KCTD8: variants seen among roughly 807,000 people sequenced by gnomAD.
The protein encoded by KCTD8 is potassium channel tetramerization domain containing 8.
KCTD8 carries 27 observed loss-of-function variants against 31.5 expected under a neutral mutation model. The observed-to-expected ratio is 0.86, with a 90% CI of 0.63 to 1.18. The LOEUF (loss-of-function observed/expected upper bound fraction) is 1.18. Ranked by LOEUF, KCTD8 falls within the 50% of genes most tolerant of loss-of-function variation. KCTD8 has a pLI of 0.00. For synonymous variants in KCTD8, 290 were observed against 280.0 expected, an observed-to-expected ratio of 1.04 and a Z score of -0.36; for missense variants, 658 against 647.7, an observed-to-expected ratio of 1.02 and a Z score of -0.17.
intron 1 of KCTD8, among the ~76,000 whole-genome samples, chr4:44,365,957 T>A (rs1278937343): frequency 6.6e-6 from 1 of 150,758 alleles, no homozygotes; most frequent in Non-Finnish European, 1.5e-5. Context: ...CTGCTATACA[T>A]CACTTTGACA....
At chr4:44,313,223 C>A (rs1330835546) in intron 1 of KCTD8, among the ~76,000 whole-genome samples, 1 of 152,118 alleles carries the variant, frequency 6.6e-6, no homozygotes, top group Non-Finnish European at 1.5e-5. Flanking sequence ...GTGTTTTGCC[C>A]AAAACTTCTG....
rs151309574 is a variant in KCTD8, at chr4:44,323,530, A to C, written c.961+124033T>G. Among the ~76,000 whole-genome samples the C allele has an allele frequency of 3.2e-4, 47 of 144,620 alleles. 1 individual carries two copies. In the East Asian group the frequency reaches 1.0e-2, roughly 31 times the overall value. The allele number at this position is 144,620 out of a possible 152,430, so 94.9% of individuals were successfully genotyped here. A position where few individuals can be genotyped will look rare whatever the true frequency, so the allele number is the denominator to read the frequency against. ...CCCCCAAAAAAAATTAAAAATTAAA[A>C]AAAATAGTGTTCAGGGTAAATAGTT... is the stretch of plus-strand genomic sequence containing the variant. On this transcript the variant is annotated intron_variant, in intron 1 of 1. Transcript: ENST00000360029.
rs1406921644 is a variant in KCTD8 at position 44,447,416 on chromosome 4, G to A, written c.961+147C>T. On this transcript the variant is annotated intron_variant, in intron 1 of 1. Transcript: ENST00000360029. ...AATGTAAATCGTGTCTACTGCATAA[G>A]GGAATCGTGCAGGGAGAGCCGCTCT... The A allele has an allele frequency of 3.9e-6, 5 of 1,270,128 alleles. No homozygotes were observed. In the Admixed American group the frequency reaches 1.7e-4, roughly 43 times the overall value. 78.7% of individuals were successfully genotyped at this position (1,270,128 alleles called of 1,614,324 possible).
chr4:44,342,071 T>C (rs1718915990), intron 1 of KCTD8, among the ~76,000 whole-genome samples: 5 of 152,106 alleles, frequency 3.3e-5, no homozygotes, highest in Admixed American at 3.3e-4. Flanking sequence ...CAGTAAGCAG[T>C]AATATTTTGA....
At chr4:44,214,161 C>T (rs1056294085) in intron 1 of KCTD8, among the ~76,000 whole-genome samples, 4 of 152,130 alleles carry the variant, frequency 2.6e-5, no homozygotes, top group Non-Finnish European at 4.4e-5. Flanking sequence ...AATCATCTGG[C>T]CCTTCTTTGA....
chr4:44,447,722 G>A lies in KCTD8; in HGVS notation c.802C>T (p.Arg268Cys). 1 of 1,612,618 alleles carries A rather than the reference G, an allele frequency of 6.2e-7. No individual in the cohort carries two copies. Among genetic ancestry groups the A allele is most frequent in the Non-Finnish European group, 8.5e-7 (1 of 1,179,444 alleles). ...AAGTAGGTGAACTTGAGGTAGAAGC[G>A]GGACGTGTACTTCTCCGGCTGCCGG... ...PDRQPEKYTS[R>C]FYLKFTYLEQ... The change falls in exon 1 of 2, where the codon CGC (arginine) becomes TGC (cysteine). Residue 268 changes from arginine to cysteine, a missense_variant. Coordinates refer to ENST00000360029, the MANE Select transcript of KCTD8 (RefSeq NM_198353.3).
At chr4:44,224,988 C>A (rs1186511244) in intron 1 of KCTD8, among the ~76,000 whole-genome samples, 2 of 152,104 alleles carry the variant, frequency 1.3e-5, no homozygotes, top group Non-Finnish European at 2.9e-5. Flanking sequence ...TCATATGACC[C>A]CATACAATTT....
chr4:44,386,987 T>G, intron 1 of KCTD8, among the ~76,000 whole-genome samples: 1 of 151,954 alleles, frequency 6.6e-6, no homozygotes, highest in African/African-American at 2.4e-5. Flanking sequence ...TCCCATCATC[T>G]CAGCCCAAAA....
chr4:44,255,954 T>C (rs1023046196), intron 1 of KCTD8, among the ~76,000 whole-genome samples: 1 of 151,936 alleles, frequency 6.6e-6, no homozygotes, highest in African/African-American at 2.4e-5. Context: ...TACCTCAGAC[T>C]AGGTTATTTA....
At chr4:44,272,547 T>A (rs1037583464) in intron 1 of KCTD8, among the ~76,000 whole-genome samples, 1 of 152,056 alleles carries the variant, frequency 6.6e-6, no homozygotes, top group Non-Finnish European at 1.5e-5. Flanking sequence ...TTATAATCTA[T>A]TCAGGAAAAT....
chr4:44,339,953 A>T (rs561063767), intron 1 of KCTD8, among the ~76,000 whole-genome samples: 2 of 152,322 alleles, frequency 1.3e-5, no homozygotes, highest in South Asian at 4.1e-4. Context: ...GACAAAACTC[A>T]ATAAAAATTG....
intron 1 of KCTD8, among the ~76,000 whole-genome samples, chr4:44,442,774 T>TACACACGTATACACACACACACAC (rs10938342): frequency 5.4e-5 from 8 of 147,232 alleles, no homozygotes; most frequent in African/African-American, 2.0e-4. Flanking sequence ...AACTAAGGTA[T>TACACACGTATACACACACACACAC]ACACACACAC....
intron 1 of KCTD8, among the ~76,000 whole-genome samples, chr4:44,404,147 G>A (rs939786235): frequency 6.6e-6 from 1 of 151,850 alleles, no homozygotes; most frequent in South Asian, 2.1e-4. Flanking sequence ...TACTGACATC[G>A]AAAAACATGT....
chr4:44,272,705 TTA>T (rs1252586845), intron 1 of KCTD8, among the ~76,000 whole-genome samples: 1 of 152,038 alleles, frequency 6.6e-6, no homozygotes, highest in African/African-American at 2.4e-5. Context: ...AGATCTATTT[TTA>T]TGTTAGTCAT....
intron 1 of KCTD8, among the ~76,000 whole-genome samples, chr4:44,215,327 A>AT (rs1441646339): frequency 2.6e-5 from 4 of 152,124 alleles, no homozygotes; most frequent in East Asian, 1.9e-4. Context: ...ATTTTAAAGG[A>AT]TTTTTTCTAT....
intron 1 of KCTD8, among the ~76,000 whole-genome samples, chr4:44,440,080 C>T (rs1277118810): frequency 2.6e-5 from 4 of 151,700 alleles, no homozygotes; most frequent in Non-Finnish European, 4.4e-5. Flanking sequence ...TACAGATGCC[C>T]GCCACCACGC....
chr4:44,406,275 T>C (rs980932881), intron 1 of KCTD8, among the ~76,000 whole-genome samples: 1 of 152,120 alleles, frequency 6.6e-6, no homozygotes, highest in African/African-American at 2.4e-5. Context: ...CCCCAAAGCA[T>C]AATATCATAC....
rs148923661 is a variant in KCTD8 at position 44,217,263 on chromosome 4, C to T, written c.962-42013G>A. On this transcript the variant is annotated intron_variant, in intron 1 of 1. Coordinates refer to ENST00000360029, the MANE Select transcript of KCTD8 (RefSeq NM_198353.3). ...ATCATTTTAAAAAGAATATCTAAGACGCTTGGGATAAAAATAAAGGAATCT... is the reference window on the plus strand; with the variant it reads ...ATCATTTTAAAAAGAATATCTAAGATGCTTGGGATAAAAATAAAGGAATCT... Among the ~76,000 whole-genome samples, 1,219 of 152,118 alleles carry T rather than the reference C, an allele frequency of 8.0e-3. 21 individuals are homozygous for T. Among genetic ancestry groups the T allele is most frequent in the African/African-American group, 0.024 (1,016 of 41,474 alleles).
chr4:44,294,509 A>G (rs1717373477), intron 1 of KCTD8, among the ~76,000 whole-genome samples: 1 of 152,208 alleles, frequency 6.6e-6, no homozygotes, highest in African/African-American at 2.4e-5. Context: ...CATTGCAACC[A>G]GTAAGATTAT....
Sources: gnomAD v4.1 joint callset for allele counts (sites outside exome capture counted in the v4.1 genomes callset) on GRCh38, gnomAD v4.1.1 for gene constraint, MANE v1.5 for transcripts, NCBI Gene and HGNC (gene_info 2026-07-23, HGNC 2026-07-21) for gene names.